Variants in GRB2 observed in about 807,000 individuals in gnomAD.
The protein encoded by GRB2 is growth factor receptor-bound protein 2.
Under a neutral mutation model 27.4 loss-of-function variants are expected in GRB2, and 2 were observed. The ratio of observed to expected loss-of-function variants is 0.07; its 90% CI spans 0.03 to 0.23. The LOEUF (loss-of-function observed/expected upper bound fraction) is 0.23. Ranked by LOEUF, GRB2 falls within the 10% of genes least tolerant of loss-of-function variation. GRB2 has a pLI of 1.00. For missense variants in GRB2, 102 were observed against 282.4 expected, an observed-to-expected ratio of 0.36 and a Z score of 4.58; for synonymous variants, 94 against 99.6, an observed-to-expected ratio of 0.94 and a Z score of 0.33.
At chr17:75,365,744 T>C (rs1019331345) in intron 2 of GRB2, among the ~76,000 whole-genome samples, 8 of 151,756 alleles carry the variant, frequency 5.3e-5, no homozygotes, top group South Asian at 2.1e-4. Flanking sequence ...AAAGATAAAA[T>C]AGAAGTGGTT....
intron 2 of GRB2, among the ~76,000 whole-genome samples, chr17:75,361,563 T>C (rs2078781895): frequency 6.6e-6 from 1 of 152,152 alleles, no homozygotes; most frequent in Admixed American, 6.5e-5. Context: ...ATTACAAAGG[T>C]ACCAAGTTAT....
intron 2 of GRB2, among the ~76,000 whole-genome samples, chr17:75,339,849 G>GA (rs2078608770): frequency 6.6e-6 from 1 of 152,066 alleles, no homozygotes. Flanking sequence ...GGGTGGTCTT[G>GA]AACTACTGAC....
chr17:75,394,421 G>C (rs934163753), intron 1 of GRB2: 1 of 152,144 alleles, frequency 6.6e-6, no homozygotes, highest in Admixed American at 6.6e-5. Flanking sequence ...TGTTGTGATC[G>C]GCAAGCTCAG....
intron 2 of GRB2, among the ~76,000 whole-genome samples, chr17:75,391,603 T>A (rs1028338831): frequency 6.6e-6 from 1 of 152,012 alleles, no homozygotes; most frequent in African/African-American, 2.4e-5. Context: ...GGTCAGGAGA[T>A]TGAGATCATC....
intron 2 of GRB2, among the ~76,000 whole-genome samples, chr17:75,374,214 T>C (rs2078876019): frequency 6.6e-6 from 1 of 151,568 alleles, no homozygotes; most frequent in Non-Finnish European, 1.5e-5. Flanking sequence ...GAGACCAGCC[T>C]GGCCATTATG....
intron 1 of GRB2, among the ~76,000 whole-genome samples, chr17:75,400,003 C>CT (rs924110747): frequency 4.1e-4 from 60 of 146,242 alleles, no homozygotes; most frequent in East Asian, 1.2e-3. Context: ...AATACATACT[C>CT]TTTTTTTTTT....
chr17:75,366,611 C>T (rs901515363), intron 2 of GRB2, among the ~76,000 whole-genome samples: 2 of 151,610 alleles, frequency 1.3e-5, no homozygotes, highest in Non-Finnish European at 1.5e-5. Flanking sequence ...CCAGCCTGGG[C>T]ACCTGGGCAA....
chr17:75,348,762 T>C (rs2078670179), intron 2 of GRB2, among the ~76,000 whole-genome samples: 1 of 152,330 alleles, frequency 6.6e-6, no homozygotes, highest in Non-Finnish European at 1.5e-5. Context: ...CTGCAGCCTC[T>C]GCCTCCTAGG....
intron 1 of GRB2, among the ~76,000 whole-genome samples, chr17:75,403,269 ACTCT>A (rs1050277436): frequency 2.0e-5 from 3 of 150,688 alleles, no homozygotes; most frequent in African/African-American, 7.3e-5. Context: ...GGGCATGGTG[ACTCT>A]CTATTCTGTA....
chr17:75,351,845 T>C lies in GRB2; in HGVS notation c.79-19048A>G, dbSNP rs147237552. Among the ~76,000 whole-genome samples the C allele has an allele frequency of 3.4e-3, 520 of 152,280 alleles. 7 individuals are homozygous for C. Among genetic ancestry groups the C allele is most frequent in the African/African-American group, 0.012 (502 of 41,558 alleles). ...CCAATTACCAATTCAAATAAATATA[T>C]AGAAAATCTTTACAATCTATGAAAA... On this transcript the variant is annotated intron_variant, in intron 2 of 5. Transcript: ENST00000316804.
At chr17:75,399,238 T>TG (rs1318451245) in intron 1 of GRB2, among the ~76,000 whole-genome samples, 2 of 150,258 alleles carry the variant, frequency 1.3e-5, no homozygotes, top group African/African-American at 4.9e-5. Context: ...GTGTGTGTGG[T>TG]GACCAGGACT....
chr17:75,378,381 A>AC (rs2078908024), intron 2 of GRB2, among the ~76,000 whole-genome samples: 1 of 144,540 alleles, frequency 6.9e-6, no homozygotes, highest in Non-Finnish European at 1.5e-5. Context: ...AGACTGTCTC[A>AC]AAAAACAAAC....
intron 2 of GRB2, among the ~76,000 whole-genome samples, chr17:75,382,514 A>T (rs2053157): frequency 0.64 from 97,330 of 152,138 alleles, 37,302 homozygotes; most frequent in East Asian, 0.91. Context: ...ACTTCCTTTG[A>T]GTGCCATGCT....
In GRB2 at chr17:75,332,631, AT is replaced by A. The variant is rs1465627479; in HGVS notation, c.176+68del. 3.4e-6 allele frequency: 3 copies of A among 876,722 alleles called. No homozygotes were observed. The African/African-American group carries it at 5.0e-5, about 15-fold the overall frequency. 54.3% of individuals were successfully genotyped at this position (876,722 alleles called of 1,614,324 possible). On this transcript the variant is annotated intron_variant, in intron 3 of 5. Coordinates refer to ENST00000316804, the MANE Select transcript of GRB2 (RefSeq NM_002086.5). ...TATGACATCCATCCCAGTGATCTCAATTTTAAAAAGAGTGTTTGAAACAAGG... is the reference window on the plus strand; with the variant it reads ...TATGACATCCATCCCAGTGATCTCAATTTAAAAAGAGTGTTTGAAACAAGG...
At chr17:75,340,382 A>G (rs760024929) in intron 2 of GRB2, among the ~76,000 whole-genome samples, 3 of 152,242 alleles carry the variant, frequency 2.0e-5, no homozygotes, top group Non-Finnish European at 4.4e-5. Flanking sequence ...GAACCCAGAT[A>G]AAACTAGTCT....
chr17:75,340,085 A>AT (rs988813379), intron 2 of GRB2, among the ~76,000 whole-genome samples: 12 of 152,076 alleles, frequency 7.9e-5, no homozygotes, highest in Admixed American at 5.9e-4. Flanking sequence ...AGAAATCATA[A>AT]TTTTTTTTAA....
At chr17:75,376,758 T>C (rs1473347786) in intron 2 of GRB2, among the ~76,000 whole-genome samples, 1 of 152,082 alleles carries the variant, frequency 6.6e-6, no homozygotes, top group Non-Finnish European at 1.5e-5. Flanking sequence ...TCCCAGCACT[T>C]TGGGAGGCCA....
At chr17:75,343,269 T>C (rs1034115007) in intron 2 of GRB2, among the ~76,000 whole-genome samples, 1 of 152,066 alleles carries the variant, frequency 6.6e-6, no homozygotes, top group South Asian at 2.1e-4. Context: ...TGACAGACTT[T>C]TGCAGGGTGC....
Position 75,390,972 on chromosome 17 carries a change from G to A in GRB2, c.78+2579C>T, listed in dbSNP as rs534208415. ...GGCTTACAACTAATACCCTCAAGAC[G>A]TCCCAAATCAAAGCAATTCAAATGA... On this transcript the variant is annotated intron_variant, in intron 2 of 5. Coordinates refer to ENST00000316804, the MANE Select transcript of GRB2 (RefSeq NM_002086.5). Among the ~76,000 whole-genome samples the A allele has an allele frequency of 7.2e-5, 11 of 152,176 alleles. No homozygotes were observed. The East Asian group carries it at 9.6e-4, about 13-fold the overall frequency.
Sources: gnomAD v4.1 joint callset for allele counts (sites outside exome capture counted in the v4.1 genomes callset) on GRCh38, gnomAD v4.1.1 for gene constraint, MANE v1.5 for transcripts, NCBI Gene and HGNC (gene_info 2026-07-23, HGNC 2026-07-21) for gene names.